The following RPS6KC1 variants were observed in gnomAD, a reference collection of about 807,000 sequenced individuals.
The protein encoded by RPS6KC1 is ribosomal protein S6 kinase C1, also known as inactive ribosomal protein S6 kinase delta-1.
A neutral mutation model predicts 103.8 loss-of-function variants in RPS6KC1; 54 were observed. The observed-to-expected ratio is 0.52, with a 90% confidence interval of 0.42 to 0.65. The LOEUF (loss-of-function observed/expected upper bound fraction) is 0.65, where lower values mean the gene tolerates loss of function less well. Ranked by LOEUF, RPS6KC1 falls within the 30% of genes least tolerant of loss-of-function variation. RPS6KC1 has a pLI of 0.00. For synonymous variants in RPS6KC1, 439 were observed against 438.7 expected (o/e 1.00, Z -0.01); for missense variants, 1,151 against 1,253.8 (o/e 0.92, Z 1.24).
chr1:213,798,176 A>C, the RPS6KC1 span, among the ~76,000 whole-genome samples: 1 of 152,188 alleles, frequency 6.6e-6, no homozygotes, highest in Non-Finnish European at 1.5e-5. Flanking sequence ...GCAAATAATT[A>C]AGCAGGTCAT....
At chr1:213,616,701 C>T in the RPS6KC1 span, among the ~76,000 whole-genome samples, 1 of 152,130 alleles carries the variant, frequency 6.6e-6, no homozygotes, top group East Asian at 1.9e-4. Flanking sequence ...GCATATATGG[C>T]ACACACAACA....
At chr1:213,712,801 C>A in the RPS6KC1 span, among the ~76,000 whole-genome samples, 5,145 of 152,272 alleles carry the variant, frequency 0.034, 313 homozygotes, top group African/African-American at 0.12. Context: ...CCTGGTGAGG[C>A]AATACCCCAC....
At chr1:213,160,570 T>C (rs1572928724) in intron 6 of RPS6KC1, among the ~76,000 whole-genome samples, 1 of 152,152 alleles carries the variant, frequency 6.6e-6, no homozygotes. Context: ...CACTAAGTTA[T>C]AGAAAGAGGT....
At chr1:213,581,336 T>C in the RPS6KC1 span, among the ~76,000 whole-genome samples, 2 of 152,114 alleles carry the variant, frequency 1.3e-5, no homozygotes, top group Non-Finnish European at 2.9e-5. Flanking sequence ...TATTCTTCCT[T>C]AGTTGCTAGT....
chr1:213,410,791 A>G, the RPS6KC1 span, among the ~76,000 whole-genome samples: 2 of 151,776 alleles, frequency 1.3e-5, no homozygotes, highest in Admixed American at 1.3e-4. Context: ...AATGGAGAGA[A>G]GTTAACTTGT....
the RPS6KC1 span, among the ~76,000 whole-genome samples, chr1:213,407,665 T>C: frequency 1.3e-5 from 2 of 152,254 alleles, no homozygotes; most frequent in African/African-American, 4.8e-5. Flanking sequence ...TCCTCTCATA[T>C]ACATTTTTGT....
chr1:213,173,447 G>C (rs903648802), intron 7 of RPS6KC1, among the ~76,000 whole-genome samples: 6 of 152,170 alleles, frequency 3.9e-5, no homozygotes, highest in Non-Finnish European at 8.8e-5. Flanking sequence ...TTCGGAGACT[G>C]TATAGTCAAG....
At chr1:213,530,032 T>TTTTTTATTATTA in the RPS6KC1 span, among the ~76,000 whole-genome samples, 1 of 149,082 alleles carries the variant, frequency 6.7e-6, no homozygotes, top group African/African-American at 2.5e-5. Flanking sequence ...CTTCACTTCT[T>TTTTTTATTATTA]TTATTATTAT....
chr1:213,699,738 T>C, the RPS6KC1 span, among the ~76,000 whole-genome samples: 1 of 152,174 alleles, frequency 6.6e-6, no homozygotes, highest in Admixed American at 6.5e-5. Context: ...TTATAAGCCA[T>C]TTTAACTGGG....
chr1:213,763,577 A>G, the RPS6KC1 span, among the ~76,000 whole-genome samples: 1 of 152,224 alleles, frequency 6.6e-6, no homozygotes, highest in Admixed American at 6.5e-5. Flanking sequence ...GGGGATGCTG[A>G]GCAGCTTTTC....
the RPS6KC1 span, among the ~76,000 whole-genome samples, chr1:213,424,134 C>T: frequency 1.3e-5 from 2 of 152,150 alleles, no homozygotes; most frequent in African/African-American, 4.8e-5. Context: ...TCCATTGTGC[C>T]TCTGTTTCAA....
the RPS6KC1 span, among the ~76,000 whole-genome samples, chr1:213,548,492 C>T: frequency 2.0e-5 from 3 of 152,114 alleles, no homozygotes; most frequent in South Asian, 2.1e-4. Context: ...GAAACCCCAT[C>T]TCTACTAAAA....
chr1:213,527,972 C>A, the RPS6KC1 span, among the ~76,000 whole-genome samples: 2 of 152,064 alleles, frequency 1.3e-5, no homozygotes, highest in African/African-American at 4.8e-5. Context: ...GAAAGTGATT[C>A]ATCATAAAGG....
downstream of RPS6KC1, among the ~76,000 whole-genome samples, chr1:213,278,384 T>G (rs1291664093): frequency 2.0e-5 from 3 of 152,002 alleles, no homozygotes; most frequent in Non-Finnish European, 4.4e-5. Flanking sequence ...GATATACATA[T>G]AAAATTGATC....
the RPS6KC1 span, among the ~76,000 whole-genome samples, chr1:213,363,946 C>T: frequency 1.3e-5 from 2 of 151,306 alleles, no homozygotes; most frequent in Non-Finnish European, 2.9e-5. Flanking sequence ...AGGAGGCTGA[C>T]GTTGAGTATT....
chr1:213,331,842 C>T, the RPS6KC1 span, among the ~76,000 whole-genome samples: 1 of 152,082 alleles, frequency 6.6e-6, no homozygotes, highest in African/African-American at 2.4e-5. Flanking sequence ...AGCTCATGGC[C>T]TCTCTGCTGG....
At chr1:213,607,614 C>A in the RPS6KC1 span, among the ~76,000 whole-genome samples, 1 of 151,444 alleles carries the variant, frequency 6.6e-6, no homozygotes, top group East Asian at 1.9e-4. Flanking sequence ...CCAGAGGGAG[C>A]ACATGGCAGG....
chr1:213,462,687 G>A, the RPS6KC1 span, among the ~76,000 whole-genome samples: 16 of 152,194 alleles, frequency 1.1e-4, no homozygotes, highest in Non-Finnish European at 2.4e-4. Context: ...ACTCATAAGT[G>A]GGAGTTGAAC....
intron 6 of RPS6KC1, among the ~76,000 whole-genome samples, chr1:213,151,143 G>A (rs566631656): frequency 4.1e-4 from 60 of 146,352 alleles, no homozygotes; most frequent in African/African-American, 1.3e-3. Flanking sequence ...CCTCCCTCCC[G>A]GATGGGGCGG....
Sources: allele counts gnomAD v4.1 joint callset (sites outside exome capture counted in the v4.1 genomes callset), GRCh38; gene constraint gnomAD v4.1.1; transcripts MANE v1.5; gene names NCBI Gene and HGNC (gene_info 2026-07-23, HGNC 2026-07-21).